Variants in MARCHF8 observed in about 807,000 individuals in gnomAD.
MARCHF8 encodes membrane associated ring-CH-type finger 8.
MARCHF8 carries 40 observed loss-of-function variants against 51.6 expected under a neutral mutation model. The observed-to-expected ratio is 0.77, with a 90% CI of 0.60 to 1.01. MARCHF8 has a LOEUF of 1.01. Among genes scored for constraint, MARCHF8 ranks in the 50% least tolerant of loss-of-function variants. The pLI is 0.00. For synonymous variants in MARCHF8, 263 were observed against 280.3 expected, an observed-to-expected ratio of 0.94 and a Z score of 0.62; for missense variants, 685 against 708.6, an observed-to-expected ratio of 0.97 and a Z score of 0.38.
chr10:45,464,157 A>G, intron 4 of MARCHF8, 82 bp downstream of exon 4: 2 of 1,571,670 alleles, frequency 1.3e-6, no homozygotes, highest in South Asian at 2.2e-5. Flanking sequence ...GATTAAGCAA[A>G]TGGAAATTCA....
At position 45,458,038 on chromosome 10, in the gene MARCHF8, G is replaced by C; in HGVS notation, c.*201C>G. The C allele has an allele frequency of 1.7e-6, 1 of 571,530 alleles. No homozygotes were observed. Among genetic ancestry groups the C allele is most frequent in the East Asian group, 3.0e-5 (1 of 33,792 alleles). 35.4% of individuals were successfully genotyped at this position (571,530 alleles called of 1,614,324 possible). A position where few individuals can be genotyped will look rare whatever the true frequency, so the allele number is the denominator to read the frequency against. ...TTCCACTTTCCCACAGAGCTGCCAG[G>C]CAGAGGCAGGACCCAGGCATGCCTG... On this transcript the variant is annotated 3_prime_UTR_variant, in exon 8 of 8. Transcript: ENST00000453424.
At chr10:45,549,791 C>A (rs559781604) in intron 1 of MARCHF8, among the ~76,000 whole-genome samples, 12 of 152,214 alleles carry the variant, frequency 7.9e-5, no homozygotes, top group Non-Finnish European at 1.5e-4. Flanking sequence ...CAGCCTCCTT[C>A]CCTTCTCTCC....
At chr10:45,520,316 T>C (rs1005131052) in intron 2 of MARCHF8, among the ~76,000 whole-genome samples, 1 of 152,230 alleles carries the variant, frequency 6.6e-6, no homozygotes, top group Non-Finnish European at 1.5e-5. Flanking sequence ...TACCATATGT[T>C]GGCCTACTTA....
At chr10:45,569,751 A>G (rs1398503654) in intron 1 of MARCHF8, among the ~76,000 whole-genome samples, 2 of 152,230 alleles carry the variant, frequency 1.3e-5, no homozygotes, top group Non-Finnish European at 2.9e-5. Context: ...GGTTACAAAT[A>G]AAATTTGCAA....
intron 1 of MARCHF8, among the ~76,000 whole-genome samples, chr10:45,540,841 A>G (rs1177373109): frequency 1.3e-5 from 2 of 152,150 alleles, no homozygotes; most frequent in African/African-American, 2.4e-5. Context: ...CTGGCCATCA[A>G]AGAAATGCAA....
intron 3 of MARCHF8, among the ~76,000 whole-genome samples, chr10:45,476,988 C>T (rs2042797913): frequency 6.6e-6 from 1 of 151,118 alleles, no homozygotes; most frequent in Non-Finnish European, 1.5e-5. Flanking sequence ...ATTTAGACAT[C>T]TAGATATAAG....
intron 1 of MARCHF8, among the ~76,000 whole-genome samples, chr10:45,565,578 TAAA>T (rs576321216): frequency 1.6e-5 from 2 of 122,590 alleles, no homozygotes; most frequent in South Asian, 2.5e-4. Context: ...TGCAAAAAAA[TAAA>T]AAAAAAAAGT....
intron 1 of MARCHF8, among the ~76,000 whole-genome samples, chr10:45,584,556 A>C (rs2044597504): frequency 6.6e-6 from 1 of 152,176 alleles, no homozygotes; most frequent in African/African-American, 2.4e-5. Context: ...GCATACTGGT[A>C]CCACCACTAT....
intron 1 of MARCHF8, among the ~76,000 whole-genome samples, chr10:45,567,750 G>A (rs11239562): frequency 0.57 from 87,258 of 151,984 alleles, 25,216 homozygotes; most frequent in South Asian, 0.64. Context: ...TGCTTAGAAC[G>A]GCTTTGGCTA....
intron 3 of MARCHF8, among the ~76,000 whole-genome samples, chr10:45,478,078 C>T (rs1332178165): frequency 4.6e-5 from 7 of 152,196 alleles, no homozygotes; most frequent in Non-Finnish European, 8.8e-5. Context: ...CAGACAGTTA[C>T]AGAACGTTTC....
Position 45,464,255 on chromosome 10 carries a change from T to A in MARCHF8, c.226A>T (p.Ser76Cys). The A allele has an allele frequency of 6.2e-7, 1 of 1,614,184 alleles. No homozygotes were observed. ...SFSRTSITPS[S>C]QDICSSSAVF... is the part of the protein sequence containing the mutation. ...GAGTGTTACCTGCAGATGTCCTGGC[T>A]GGATGGCGTGATAGAAGTGCGAGAG... The change falls in exon 4 of 8, where the codon AGC becomes TGC. Residue 76 changes from serine (S) to cysteine (C), a missense_variant. Ser to Cys is a moderately radical substitution (Grantham distance 112). Coordinates refer to ENST00000453424, the MANE Select transcript of MARCHF8 (RefSeq NM_001282866.2).
At chr10:45,511,980 C>T (rs550875353) in intron 2 of MARCHF8, among the ~76,000 whole-genome samples, 2 of 149,638 alleles carry the variant, frequency 1.3e-5, no homozygotes, top group Admixed American at 6.6e-5. Context: ...TCTGCCCGGC[C>T]GCCATCCCAT....
At chr10:45,468,853 A>G (rs1225218660) in intron 3 of MARCHF8, among the ~76,000 whole-genome samples, 1 of 152,214 alleles carries the variant, frequency 6.6e-6, no homozygotes, top group Non-Finnish European at 1.5e-5. Context: ...AGTGTTGGGA[A>G]GCAGGTATGC....
chr10:45,545,476 A>T (rs1226571502), intron 1 of MARCHF8, among the ~76,000 whole-genome samples: 1 of 152,252 alleles, frequency 6.6e-6, no homozygotes, highest in African/African-American at 2.4e-5. Flanking sequence ...TTCAGATGGG[A>T]AGAAACCCAC....
intron 3 of MARCHF8, among the ~76,000 whole-genome samples, chr10:45,475,719 C>T (rs910597424): frequency 5.3e-5 from 8 of 152,114 alleles, no homozygotes; most frequent in East Asian, 1.9e-4. Flanking sequence ...CCACCCAGTT[C>T]GCCACTGCCA....
intron 1 of MARCHF8, among the ~76,000 whole-genome samples, chr10:45,546,661 G>A (rs1383984406): frequency 6.6e-6 from 1 of 151,806 alleles, no homozygotes; most frequent in Non-Finnish European, 1.5e-5. Flanking sequence ...GTGCATGCCT[G>A]TGGTATCAGC....
At chr10:45,465,746 C>A (rs373779068) in intron 3 of MARCHF8, among the ~76,000 whole-genome samples, 2 of 152,236 alleles carry the variant, frequency 1.3e-5, no homozygotes, top group Non-Finnish European at 2.9e-5. Context: ...TTCATGTGTA[C>A]ACTGAGATCA....
At chr10:45,546,220 G>A (rs1041700457) in intron 1 of MARCHF8, among the ~76,000 whole-genome samples, 5 of 151,790 alleles carry the variant, frequency 3.3e-5, no homozygotes, top group Non-Finnish European at 5.9e-5. Flanking sequence ...GAGTGCAGTG[G>A]TGCAATCTCG....
At chr10:45,565,312 TC>T (rs1347725316) in intron 1 of MARCHF8, among the ~76,000 whole-genome samples, 3 of 151,982 alleles carry the variant, frequency 2.0e-5, no homozygotes, top group South Asian at 4.2e-4. Flanking sequence ...ATGCCTGTAG[TC>T]CCAGCTACTT....
Sources: gnomAD v4.1 joint callset for allele counts (sites outside exome capture counted in the v4.1 genomes callset) on GRCh38, gnomAD v4.1.1 for gene constraint, MANE v1.5 for transcripts, NCBI Gene and HGNC (gene_info 2026-07-23, HGNC 2026-07-21) for gene names.